TEX101: variants seen among roughly 807,000 people sequenced by gnomAD.
TEX101 encodes testis expressed 101, also known as testis-expressed protein 101.
A neutral mutation model predicts 18.1 loss-of-function variants in TEX101; 10 were observed. The observed-to-expected ratio is 0.55, with a 90% CI of 0.34 to 0.94. The LOEUF is 0.94. TEX101 is among the 40% of genes least tolerant of loss of function. The probability of loss-of-function intolerance (pLI) is 0.02; values close to 1 mark genes in which losing one functional copy is unlikely to be tolerated. For synonymous variants in TEX101, 94 were observed against 114.8 expected, an observed-to-expected ratio of 0.82 and a Z score of 1.16; for missense variants, 259 against 298.9, an observed-to-expected ratio of 0.87 and a Z score of 0.98.
chr19:43,411,481 A>C (rs1011844672), upstream of TEX101, among the ~76,000 whole-genome samples: 7 of 152,204 alleles, frequency 4.6e-5, no homozygotes, highest in African/African-American at 7.2e-5. Flanking sequence ...GGCGTACTGC[A>C]ATAATCCAGT....
chr19:43,393,948 T>C, the TEX101 span, among the ~76,000 whole-genome samples: 2 of 151,936 alleles, frequency 1.3e-5, no homozygotes, highest in Non-Finnish European at 2.9e-5. Flanking sequence ...AAGTAAACTT[T>C]CCCTTTTCTG....
intron 3 of TEX101, among the ~76,000 whole-genome samples, chr19:43,408,275 TCTC>T (rs1056239522): frequency 1.2e-3 from 181 of 152,202 alleles, no homozygotes; most frequent in African/African-American, 3.8e-3. Context: ...AGCCAGGTCT[TCTC>T]CTCGTTCTGC....
chr19:43,418,399 A>C lies in TEX101; in HGVS notation c.*2A>C. On this transcript the variant is annotated 3_prime_UTR_variant, in exon 6 of 6. Transcript: ENST00000598265. ...CCATCATTTATTCACTTTTCCTAAG[A>C]AGGCACTTCTGGGCCTGGGTCTGAG... 1 of 1,610,586 alleles carries C rather than the reference A, an allele frequency of 6.2e-7. No homozygotes were observed. Among genetic ancestry groups the C allele is most frequent in the Non-Finnish European group, 8.5e-7 (1 of 1,177,204 alleles).
At chr19:43,393,133 C>T in the TEX101 span, among the ~76,000 whole-genome samples, 1 of 116,182 alleles carries the variant, frequency 8.6e-6, no homozygotes, top group Admixed American at 8.5e-5. Context: ...AGAAGGTACC[C>T]ATTGGTAGAG....
In TEX101 at chr19:43,416,187, G is replaced by A; in HGVS notation, c.153G>A (p.Val51=). The change falls in exon 3 of 6, where the codon GTG becomes GTA. Residue 51 remains valine (V), a synonymous_variant. Coordinates refer to ENST00000598265, the MANE Select transcript of TEX101 (RefSeq NM_001130011.3). The part of the protein sequence containing the change: ...ANMFNWTTEE[V]ETCDKGALCQ... Reference sequence around the variant, plus strand: ...TGTTTAACTGGACCACAGAGGAAGTGGAGACTTGTGACAAAGGGGCACTTT... The same window carrying A: ...TGTTTAACTGGACCACAGAGGAAGTAGAGACTTGTGACAAAGGGGCACTTT... 1 of 1,613,808 alleles carries A rather than the reference G, an allele frequency of 6.2e-7. No individual in the cohort carries two copies. The highest frequency in any genetic ancestry group is 1.1e-5 in the South Asian group (1 of 91,020).
At chr19:43,406,519 G>A in exon 3 of TEX101, 1 of 748,544 alleles carries the variant, frequency 1.3e-6, no homozygotes. Context: ...GGGCGAGGCA[G>A]GTACATGGGC....
chr19:43,416,147 C>G lies in TEX101; in HGVS notation c.113C>G (p.Ala38Gly). ...CQKGLSMTVE[A>G]DPANMFNWTT... Reference sequence around the variant, plus strand: ...AAGGGTCTGTCCATGACTGTGGAAGCAGATCCAGCCAATATGTTTAACTGG... The same window carrying G: ...AAGGGTCTGTCCATGACTGTGGAAGGAGATCCAGCCAATATGTTTAACTGG... Residue 38 changes from alanine to glycine, a missense_variant, in exon 3 of 6, where the codon GCA (alanine) becomes GGA (glycine). Physicochemically the swap from Ala to Gly is moderately conservative, Grantham distance 60 (BLOSUM62 0). Transcript: ENST00000598265. 1 of 1,613,832 alleles carries G rather than the reference C, an allele frequency of 6.2e-7. No homozygotes were observed. The highest frequency in any genetic ancestry group is 8.5e-7 in the Non-Finnish European group (1 of 1,179,878).
At chr19:43,393,523 T>C in the TEX101 span, among the ~76,000 whole-genome samples, 65 of 152,172 alleles carry the variant, frequency 4.3e-4, no homozygotes, top group East Asian at 3.7e-3. Flanking sequence ...TCATGTTTCA[T>C]AAAGGACCCC....
chr19:43,406,200 G>T, intron 2 of TEX101: 1 of 368,256 alleles, frequency 2.7e-6, no homozygotes, highest in South Asian at 4.8e-5. Flanking sequence ...TGTGGGTATT[G>T]ACGACTTGTG....
At chr19:43,415,742 A>G in intron 1 of TEX101, 139 bp from the exon 2 acceptor site, 2 of 706,924 alleles carry the variant, frequency 2.8e-6, no homozygotes, top group Non-Finnish European at 4.8e-6. Context: ...CCTGGGCGAC[A>G]GTGCAAGACT....
chr19:43,416,288 T>G, intron 3 of TEX101, 46 bp downstream of exon 3: 1 of 1,589,074 alleles, frequency 6.3e-7, no homozygotes, highest in Non-Finnish European at 8.6e-7. Context: ...GGAGGTTGAT[T>G]ATCTCCATGC....
chr19:43,395,672 G>A, the TEX101 span, among the ~76,000 whole-genome samples: 1 of 152,218 alleles, frequency 6.6e-6, no homozygotes, highest in Non-Finnish European at 1.5e-5. Context: ...TGGTGACTCT[G>A]AACTCAGGTA....
intron 2 of TEX101, chr19:43,406,081 C>CAAAAAAAAAAAA (rs34029449): frequency 0.072 from 4,247 of 58,686 alleles, 700 homozygotes; most frequent in East Asian, 0.18. Flanking sequence ...CCTGTCTCTA[C>CAAAAAAAAAAAA]AAAAAAAAAA....
chr19:43,398,863 G>C (rs1970296985), upstream of TEX101, among the ~76,000 whole-genome samples: 1 of 152,168 alleles, frequency 6.6e-6, no homozygotes, highest in Admixed American at 6.5e-5. Context: ...TGAGATGACA[G>C]ATTGGCTATT....
intron 4 of TEX101, among the ~76,000 whole-genome samples, chr19:43,417,049 A>G (rs1232860760): frequency 2.7e-5 from 4 of 150,732 alleles, no homozygotes; most frequent in Admixed American, 1.3e-4. Context: ...AAAAAAAAAA[A>G]GCAATAAGAC....
rs112447525 is a variant in TEX101, at chr19:43,406,401, C to T, written c.-104C>T. ...CACCACAGCCAAGGGACAGGCTTGG[C>T]GGAACCTGCGGGAGAGAAGAACCCT... is the stretch of plus-strand genomic sequence containing the variant. On this transcript the variant is annotated 5_prime_UTR_variant, in exon 3 of 8. Transcript: ENST00000602198. 6 of 716,598 alleles carry T rather than the reference C, an allele frequency of 8.4e-6. No homozygotes were observed. The East Asian group carries it at 1.1e-4, about 13-fold the overall frequency. 44.4% of individuals were successfully genotyped at this position (716,598 alleles called of 1,614,324 possible). A position where few individuals can be genotyped will look rare whatever the true frequency, so the allele number is the denominator to read the frequency against.
the TEX101 span, among the ~76,000 whole-genome samples, chr19:43,389,692 C>T: frequency 2.0e-5 from 3 of 152,310 alleles, no homozygotes; most frequent in Middle Eastern, 3.4e-3. Flanking sequence ...TGGGTTCTCC[C>T]TTAGGGAAGG....
chr19:43,390,898 A>C, the TEX101 span, among the ~76,000 whole-genome samples: 1 of 149,978 alleles, frequency 6.7e-6, no homozygotes, highest in Non-Finnish European at 1.5e-5. Context: ...ATTAAACACA[A>C]CTCCTCTTTC....
At position 43,414,924 on chromosome 19, in the gene TEX101, G is replaced by C; in HGVS notation, c.-154G>C. 1.0e-6 allele frequency: 1 copy of C among 985,448 alleles called. No individual in the cohort carries two copies. The highest frequency in any genetic ancestry group is 1.2e-6 in the Non-Finnish European group (1 of 829,948). 61.0% of individuals were successfully genotyped at this position (985,448 alleles called of 1,614,324 possible). Reference sequence around the variant, plus strand: ...CCAAGCCCGGGGAGAAGGCGTTCCGGGCCTCAACTTTGGCGTCGTGAGATT... The same window carrying C: ...CCAAGCCCGGGGAGAAGGCGTTCCGCGCCTCAACTTTGGCGTCGTGAGATT... On this transcript the variant is annotated 5_prime_UTR_variant, in exon 1 of 6. Coordinates refer to ENST00000598265, the MANE Select transcript of TEX101 (RefSeq NM_001130011.3).
Sources: gnomAD v4.1 joint callset for allele counts (sites outside exome capture counted in the v4.1 genomes callset) on GRCh38, gnomAD v4.1.1 for gene constraint, MANE v1.5 for transcripts, NCBI Gene and HGNC (gene_info 2026-07-23, HGNC 2026-07-21) for gene names.